Variants in SLC43A3 observed in about 807,000 individuals in gnomAD.
The protein encoded by SLC43A3 is equilibrative nucleobase transporter 1.
A neutral mutation model predicts 53.3 loss-of-function variants in SLC43A3; 33 were observed. That is an observed-to-expected ratio of 0.62 (90% CI 0.47 to 0.83). The LOEUF is 0.83. Ranked by LOEUF, SLC43A3 falls within the 40% of genes least tolerant of loss-of-function variation. The probability of loss-of-function intolerance (pLI) is 0.00; values close to 1 mark genes in which losing one functional copy is unlikely to be tolerated. For synonymous variants in SLC43A3, 236 were observed against 246.2 expected, an observed-to-expected ratio of 0.96 and a Z score of 0.39; for missense variants, 530 against 610.0, an observed-to-expected ratio of 0.87 and a Z score of 1.38.
chr11:57,420,924 T>A, intron 7 of SLC43A3, 48 bp downstream of exon 7: 1 of 1,248,978 alleles, frequency 8.0e-7, no homozygotes, highest in Non-Finnish European at 1.2e-6. Context: ...AAGACAAGTG[T>A]CTGGCATATA....
chr11:57,421,158 A>C, intron 6 of SLC43A3, 94 bp from the exon 7 acceptor site: 1 of 1,221,504 alleles, frequency 8.2e-7, no homozygotes, highest in Middle Eastern at 1.9e-4. Context: ...CTTATACCCA[A>C]ACTCACCCTC....
Position 57,407,398 on chromosome 11 carries a change from T to A in SLC43A3, c.*394A>T, listed in dbSNP as rs2134492160. The A allele has an allele frequency of 5.8e-6, 1 of 171,762 alleles. No individual in the cohort carries two copies. The highest frequency in any genetic ancestry group is 1.3e-5 in the Non-Finnish European group (1 of 79,320). 10.6% of individuals were successfully genotyped at this position (171,762 alleles called of 1,614,324 possible). A position where few individuals can be genotyped will look rare whatever the true frequency, so the allele number is the denominator to read the frequency against. The stretch of plus-strand genomic sequence containing the variant: ...ATAGCTGAGGCCATGACAACCTCAC[T>A]CTTCACCTGAAAATTTAACCCGTGG... On this transcript the variant is annotated 3_prime_UTR_variant, in exon 14 of 14. Coordinates refer to ENST00000395124, the MANE Select transcript of SLC43A3 (RefSeq NM_199329.3).
At chr11:57,419,433 G>A (rs143160368) in intron 7 of SLC43A3, among the ~76,000 whole-genome samples, 42 of 152,286 alleles carry the variant, frequency 2.8e-4, no homozygotes, top group African/African-American at 9.6e-4. Flanking sequence ...AATTGACAGA[G>A]TAAGCAGCAG....
chr11:57,418,679 C>A (rs1202469380), intron 7 of SLC43A3, among the ~76,000 whole-genome samples: 1 of 152,088 alleles, frequency 6.6e-6, no homozygotes, highest in Non-Finnish European at 1.5e-5. Flanking sequence ...CACCTGAGGC[C>A]AGGAGTTCCA....
intron 8 of SLC43A3, among the ~76,000 whole-genome samples, chr11:57,417,347 T>C (rs562010144): frequency 6.6e-6 from 1 of 152,202 alleles, no homozygotes; most frequent in Non-Finnish European, 1.5e-5. Context: ...TTCAGAACCC[T>C]GAAATCACGG....
intron 11 of SLC43A3, 38 bp downstream of exon 11, chr11:57,414,576 TG>T: frequency 1.8e-6 from 2 of 1,133,288 alleles, no homozygotes; most frequent in Non-Finnish European, 2.7e-6. Context: ...CCTCCCTTCC[TG>T]GTTCCCTGAC....
rs1272060009 is a variant in SLC43A3, at chr11:57,410,064, G to A, written c.1118C>T (p.Ser373Phe). ...CSTVPSLALT[S>F]LLCLGFALCA... The stretch of plus-strand genomic sequence containing the variant: ...GAGGGCGAAGCCCAGGCACAGCAGG[G>A]ATGTCAGGGCCAGCGAAGGCACCGT... The change falls in exon 12 of 14, where the codon TCC becomes TTC. Residue 373 changes from serine (S) to phenylalanine (F), a missense_variant. Physicochemically the swap from Ser to Phe is radical, Grantham distance 155. Transcript: ENST00000395124. 1 of 1,612,320 alleles carries A rather than the reference G, an allele frequency of 6.2e-7. No individual in the cohort carries two copies. The highest frequency in any genetic ancestry group is 8.5e-7 in the Non-Finnish European group (1 of 1,179,498).
rs1943194702 is a variant in SLC43A3 at position 57,426,241 on chromosome 11, T to C, written c.-69A>G. On this transcript the variant is annotated 5_prime_UTR_variant, in exon 3 of 14. Transcript: ENST00000395124. The stretch of plus-strand genomic sequence containing the variant: ...GGACGGATCACAGGCGCCGTAAGCC[T>C]GGCGTTTGAGCACTTGGAAAATTCC... 6.7e-7 allele frequency: 1 copy of C among 1,497,804 alleles called. No homozygotes were observed. Among genetic ancestry groups the C allele is most frequent in the Non-Finnish European group, 9.1e-7 (1 of 1,096,588 alleles). 92.8% of individuals were successfully genotyped at this position (1,497,804 alleles called of 1,614,324 possible). A position where few individuals can be genotyped will look rare whatever the true frequency, so the allele number is the denominator to read the frequency against.
At chr11:57,411,184 A>G (rs1942444272) in intron 11 of SLC43A3, among the ~76,000 whole-genome samples, 1 of 152,236 alleles carries the variant, frequency 6.6e-6, no homozygotes, top group Non-Finnish European at 1.5e-5. Context: ...CTTGTTTCAC[A>G]GTTTTACCTT....
intron 12 of SLC43A3, 43 bp from the exon 13 acceptor site, chr11:57,409,341 C>T (rs374225715): frequency 6.8e-6 from 11 of 1,611,546 alleles, no homozygotes; most frequent in Non-Finnish European, 8.5e-6. Context: ...CTTCAGGGAC[C>T]CTCCCTCCAA....
At chr11:57,414,156 T>TA (rs1333060654) in intron 11 of SLC43A3, among the ~76,000 whole-genome samples, 4 of 152,216 alleles carry the variant, frequency 2.6e-5, no homozygotes, top group African/African-American at 9.6e-5. Flanking sequence ...GGCTGACACA[T>TA]AACTATCACT....
intron 11 of SLC43A3, among the ~76,000 whole-genome samples, chr11:57,412,786 C>A (rs1942537198): frequency 1.3e-5 from 2 of 149,228 alleles, no homozygotes; most frequent in African/African-American, 5.0e-5. Flanking sequence ...CCAGCCTAGG[C>A]AACACAGTGA....
intron 12 of SLC43A3, 49 bp downstream of exon 12, chr11:57,409,886 T>C (rs1396624100): frequency 6.6e-7 from 1 of 1,512,984 alleles, no homozygotes; most frequent in South Asian, 1.3e-5. Context: ...CCAGCTTCTC[T>C]TTGCCCCAGT....
intron 8 of SLC43A3, 66 bp downstream of exon 8, chr11:57,417,682 T>C: frequency 6.3e-7 from 1 of 1,592,060 alleles, no homozygotes. Context: ...AGGTTTGCTT[T>C]ACCCTGTCCA....
chr11:57,416,505 A>G, intron 9 of SLC43A3, 68 bp downstream of exon 9: 1 of 1,257,306 alleles, frequency 8.0e-7, no homozygotes, highest in Non-Finnish European at 1.2e-6. Context: ...TCTGGAGGTG[A>G]GGGGCCAGGA....
chr11:57,417,825 G>A lies in SLC43A3; in HGVS notation c.594C>T (p.Thr198=). 6.2e-7 allele frequency: 1 copy of A among 1,614,198 alleles called. No homozygotes were observed. Among genetic ancestry groups the A allele is most frequent in the Non-Finnish European group, 8.5e-7 (1 of 1,180,042 alleles). Residue 198 remains threonine (T), a synonymous_variant, in exon 8 of 14, where the codon ACC becomes ACT. Coordinates refer to ENST00000395124, the MANE Select transcript of SLC43A3 (RefSeq NM_199329.3). ...GGAGGAAAGTGCGTGCTACATGCCA[G>A]GTACTGCAGACAGAGATGAAGATGA... ...ASFIFISVCS[T]WHVARTFLLM...
In SLC43A3 at chr11:57,410,057, C is replaced by T. The variant is rs1041135727; in HGVS notation, c.1125G>A (p.Leu375=). 3.1e-6 allele frequency: 5 copies of T among 1,612,466 alleles called. No homozygotes were observed. The highest frequency in any genetic ancestry group is 3.4e-6 in the Non-Finnish European group (4 of 1,179,582). ...AGGCACAGAGGGCGAAGCCCAGGCA[C>T]AGCAGGGATGTCAGGGCCAGCGAAG... is the stretch of plus-strand genomic sequence containing the variant. ...TVPSLALTSL[L]CLGFALCASV... The change falls in exon 12 of 14, where the codon CTG becomes CTA. Residue 375 remains leucine, a synonymous_variant. Transcript: ENST00000395124.
At chr11:57,413,611 T>A (rs949930305) in intron 11 of SLC43A3, among the ~76,000 whole-genome samples, 12 of 152,244 alleles carry the variant, frequency 7.9e-5, no homozygotes, top group African/African-American at 2.6e-4. Flanking sequence ...AAAATGTTAG[T>A]CTACTTTTGT....
chr11:57,411,501 A>T (rs923767242), intron 11 of SLC43A3, among the ~76,000 whole-genome samples: 1 of 148,046 alleles, frequency 6.8e-6, no homozygotes, highest in African/African-American at 2.5e-5. Context: ...AAAAAAAAAA[A>T]AAAATTATTT....
Sources: gnomAD v4.1 joint callset for allele counts (sites outside exome capture counted in the v4.1 genomes callset) on GRCh38, gnomAD v4.1.1 for gene constraint, MANE v1.5 for transcripts, NCBI Gene and HGNC (gene_info 2026-07-23, HGNC 2026-07-21) for gene names.